The following FOXP2 variants were observed in gnomAD, a reference collection of about 807,000 sequenced individuals.
FOXP2 encodes the protein forkhead box protein P2.
FOXP2 carries 12 observed loss-of-function variants against 115.8 expected under a neutral mutation model. The observed-to-expected ratio is 0.10, with a 90% CI of 0.07 to 0.17. The LOEUF is 0.17. Among genes scored for constraint, FOXP2 ranks in the 10% least tolerant of loss-of-function variants. The probability of loss-of-function intolerance (pLI) is 1.00; values close to 1 mark genes in which losing one functional copy is unlikely to be tolerated. For missense variants in FOXP2, 629 were observed against 843.5 expected (o/e 0.75, Z 3.15); for synonymous variants, 328 against 297.7 (o/e 1.10, Z -1.05).
At chr7:114,238,583 G>A (rs189241712) in intron 1 of FOXP2, among the ~76,000 whole-genome samples, 2 of 152,026 alleles carry the variant, frequency 1.3e-5, no homozygotes, top group South Asian at 2.1e-4. Flanking sequence ...GACCAGCCTC[G>A]TCAACATGGC....
intron 3 of FOXP2, among the ~76,000 whole-genome samples, chr7:114,558,320 C>T (rs1432615121): frequency 6.6e-6 from 1 of 152,192 alleles, no homozygotes; most frequent in African/African-American, 2.4e-5. Flanking sequence ...TTCATAGTTA[C>T]TTCTTGAGGA....
intron 1 of FOXP2, among the ~76,000 whole-genome samples, chr7:114,230,415 T>A (rs1216948428): frequency 6.6e-6 from 1 of 151,800 alleles, no homozygotes; most frequent in African/African-American, 2.4e-5. Flanking sequence ...ATAAAGACAC[T>A]ACACAAATGA....
chr7:114,404,573 G>A (rs530708869), intron 2 of FOXP2, among the ~76,000 whole-genome samples: 4 of 152,142 alleles, frequency 2.6e-5, no homozygotes, highest in Non-Finnish European at 5.9e-5. Context: ...CCTCAGTGAA[G>A]AAAAGGAATG....
At chr7:114,144,540 T>G (rs1422928218) in intron 1 of FOXP2, among the ~76,000 whole-genome samples, 2 of 152,188 alleles carry the variant, frequency 1.3e-5, no homozygotes, top group African/African-American at 4.8e-5. Flanking sequence ...AATTTTCTGA[T>G]AGTAGATCTT....
At chr7:114,186,687 G>T (rs186649598) in intron 1 of FOXP2, among the ~76,000 whole-genome samples, 1 of 152,164 alleles carries the variant, frequency 6.6e-6, no homozygotes, top group African/African-American at 2.4e-5. Context: ...CTCCGTCCCT[G>T]GGGCAGTTCT....
At chr7:114,659,305 T>C in intron 11 of FOXP2, 51 bp from the exon 12 acceptor site, 1 of 1,278,330 alleles carries the variant, frequency 7.8e-7, no homozygotes, top group Non-Finnish European at 1.1e-6. Flanking sequence ...AATTCAATTA[T>C]ATATAATGTG....
chr7:114,477,576 C>T (rs1380055412), intron 2 of FOXP2, among the ~76,000 whole-genome samples: 2 of 151,780 alleles, frequency 1.3e-5, no homozygotes, highest in Non-Finnish European at 2.9e-5. Flanking sequence ...GATCCATTCC[C>T]CAAAGCTCAA....
chr7:114,342,644 T>A (rs1338143434), intron 2 of FOXP2, among the ~76,000 whole-genome samples: 2 of 151,490 alleles, frequency 1.3e-5, no homozygotes, highest in Admixed American at 1.3e-4. Flanking sequence ...CTCAAAAGTG[T>A]ATTTGTTTCA....
At chr7:114,394,576 A>G (rs766668464) in intron 2 of FOXP2, among the ~76,000 whole-genome samples, 4 of 152,202 alleles carry the variant, frequency 2.6e-5, no homozygotes, top group Non-Finnish European at 4.4e-5. Flanking sequence ...TATCACTTTA[A>G]TCAAGTGATC....
At chr7:114,518,131 C>T (rs1798433741) in intron 2 of FOXP2, among the ~76,000 whole-genome samples, 2 of 151,934 alleles carry the variant, frequency 1.3e-5, no homozygotes, top group Admixed American at 1.3e-4. Flanking sequence ...CCCAGGTAAC[C>T]CATGGAAAGG....
At chr7:114,385,759 C>T (rs903790672) in intron 2 of FOXP2, among the ~76,000 whole-genome samples, 1 of 152,144 alleles carries the variant, frequency 6.6e-6, no homozygotes, top group Non-Finnish European at 1.5e-5. Context: ...TTTGGATGTC[C>T]CTTCGTGGTC....
chr7:114,526,475 C>CAAA (rs572915238), intron 2 of FOXP2, among the ~76,000 whole-genome samples: 1 of 69,096 alleles, frequency 1.4e-5, no homozygotes. Context: ...GACTCTGTCT[C>CAAA]AAAAAAAAAA....
chr7:114,504,593 A>G (rs1156748767), intron 2 of FOXP2, among the ~76,000 whole-genome samples: 1 of 151,660 alleles, frequency 6.6e-6, no homozygotes, highest in Non-Finnish European at 1.5e-5. Context: ...TTTACGGTTT[A>G]CCTATTAAAA....
At chr7:114,608,220 C>A (rs1342870695) in intron 3 of FOXP2, among the ~76,000 whole-genome samples, 1 of 152,170 alleles carries the variant, frequency 6.6e-6, no homozygotes, top group Non-Finnish European at 1.5e-5. Context: ...GGTTAGGAAC[C>A]TGGTGTGGAT....
At chr7:114,390,613 G>T (rs1356551750) in intron 2 of FOXP2, among the ~76,000 whole-genome samples, 2 of 151,992 alleles carry the variant, frequency 1.3e-5, no homozygotes, top group African/African-American at 4.8e-5. Flanking sequence ...GAATGCAGTG[G>T]CATGATCACT....
At chr7:114,418,442 C>T (rs1203266937) in intron 1 of FOXP2, among the ~76,000 whole-genome samples, 1 of 151,816 alleles carries the variant, frequency 6.6e-6, no homozygotes, top group Non-Finnish European at 1.5e-5. Flanking sequence ...GTGTCTGCTT[C>T]GATCATTAAC....
intron 2 of FOXP2, among the ~76,000 whole-genome samples, chr7:114,484,931 A>G (rs73436124): frequency 0.018 from 2,760 of 151,966 alleles, 94 homozygotes; most frequent in African/African-American, 0.063. Flanking sequence ...AACATTATCA[A>G]TGTTAAGGTA....
At chr7:114,426,379 C>G (rs1206220534) in intron 1 of FOXP2, 123 bp from the exon 2 acceptor site, 4 of 855,968 alleles carry the variant, frequency 4.7e-6, no homozygotes, top group East Asian at 5.3e-5. Context: ...AATGACTATT[C>G]AAGGCTTTTT....
rs972734602 is a variant in FOXP2 at position 114,544,891 on chromosome 7, TA to T, written c.258+10187del. Among the ~76,000 whole-genome samples, 9 of 152,278 alleles carry T rather than the reference TA, an allele frequency of 5.9e-5. No homozygotes were observed. In the East Asian group the frequency reaches 1.2e-3, roughly 20 times the overall value. ...AGGAGAATTTATTTTCCGTAATCAA[TA>T]ACAATCACCACTGCCATACACAGTC... On this transcript the variant is annotated intron_variant, in intron 3 of 16. Transcript: ENST00000350908.
Sources: allele counts gnomAD v4.1 joint callset (sites outside exome capture counted in the v4.1 genomes callset), GRCh38; gene constraint gnomAD v4.1.1; transcripts MANE v1.5; gene names NCBI Gene and HGNC (gene_info 2026-07-23, HGNC 2026-07-21).